Variants in IFI27L1 observed in about 807,000 individuals in gnomAD.
IFI27L1 encodes interferon alpha inducible protein 27 like 1, also known as interferon alpha-inducible protein 27-like protein 1.
A neutral mutation model predicts 9.2 loss-of-function variants in IFI27L1; 3 were observed. The ratio of observed to expected loss-of-function variants is 0.32; its 90% CI spans 0.15 to 0.84. IFI27L1 has a LOEUF of 0.84. Ranked by LOEUF, IFI27L1 falls within the 40% of genes least tolerant of loss-of-function variation. The pLI, the probability that IFI27L1 is intolerant of heterozygous loss-of-function variation, is 0.56. For missense variants in IFI27L1, 133 were observed against 134.2 expected (o/e 0.99, Z 0.05); for synonymous variants, 53 against 50.0 (o/e 1.06, Z -0.26).
intron 1 of IFI27L1, among the ~76,000 whole-genome samples, chr14:94,094,337 C>G (rs781131377): frequency 6.6e-6 from 1 of 152,048 alleles, no homozygotes; most frequent in Non-Finnish European, 1.5e-5. Flanking sequence ...TCTCTAAAGG[C>G]GGAAACTTGA....
chr14:94,100,665 G>A lies in IFI27L1; in HGVS notation c.29-74G>A. The A allele has an allele frequency of 3.1e-6, 5 of 1,601,734 alleles. 1 individual carries two copies. The South Asian group carries it at 4.4e-5, about 14-fold the overall frequency. ...ATAGCAAAGTTGAATTTGAGATGGG[G>A]GTATCAGAGAGTACCCACTCCCATA... On this transcript the variant is annotated intron_variant, in intron 2 of 4. Coordinates refer to ENST00000555523, the MANE Select transcript of IFI27L1 (RefSeq NM_206949.3).
chr14:94,102,489 T>C lies in IFI27L1; in HGVS notation c.236T>C (p.Leu79Pro). ...AILQSVGAAG[L>P]SVTSKVIGGF... ...TCTTCTCCCCCAGGGGCAGCTGGAC[T>C]CTCTGTGACATCTAAAGTTATCGGG... Residue 79 changes from leucine to proline, a missense_variant, in exon 5 of 5, where the codon CTC becomes CCC. Transcript: ENST00000555523. The C allele has an allele frequency of 6.3e-7, 1 of 1,589,722 alleles. No individual in the cohort carries two copies. Among genetic ancestry groups the C allele is most frequent in the Non-Finnish European group, 8.6e-7 (1 of 1,168,042 alleles).
intron 1 of IFI27L1, among the ~76,000 whole-genome samples, chr14:94,082,619 T>C (rs776479951): frequency 2.0e-5 from 3 of 152,260 alleles, no homozygotes; most frequent in Non-Finnish European, 4.4e-5. Context: ...CATTCTATTA[T>C]AAAAATCTTA....
At chr14:94,087,585 C>T (rs1444255714) in intron 1 of IFI27L1, among the ~76,000 whole-genome samples, 1 of 152,164 alleles carries the variant, frequency 6.6e-6, no homozygotes, top group Non-Finnish European at 1.5e-5. Context: ...CGCCACCACA[C>T]CCAGCTAATT....
chr14:94,089,451 G>A (rs533218815), intron 1 of IFI27L1, among the ~76,000 whole-genome samples: 4 of 152,160 alleles, frequency 2.6e-5, no homozygotes, highest in Non-Finnish European at 2.9e-5. Flanking sequence ...GGAGTGTCTT[G>A]TAGCATGCTA....
At chr14:94,086,685 A>G (rs1443597000) in intron 1 of IFI27L1, among the ~76,000 whole-genome samples, 1 of 152,184 alleles carries the variant, frequency 6.6e-6, no homozygotes, top group Non-Finnish European at 1.5e-5. Context: ...CAACAGCCCT[A>G]ATCAATTACT....
intron 1 of IFI27L1, chr14:94,089,114 G>A (rs988288736): frequency 2.6e-5 from 4 of 152,076 alleles, no homozygotes; most frequent in African/African-American, 9.7e-5. Flanking sequence ...AGCTGTTACT[G>A]GATAGAGGTC....
chr14:94,085,192 A>C (rs1567066077), intron 1 of IFI27L1, among the ~76,000 whole-genome samples: 1 of 152,212 alleles, frequency 6.6e-6, no homozygotes. Flanking sequence ...AAGTTGGAAC[A>C]GTTGAGCTCA....
chr14:94,090,940 ATACTT>A (rs1395591675), intron 1 of IFI27L1, among the ~76,000 whole-genome samples: 1 of 152,260 alleles, frequency 6.6e-6, no homozygotes, highest in Admixed American at 6.5e-5. Flanking sequence ...TCACAGTAGT[ATACTT>A]TACTCAATTA....
chr14:94,092,178 T>G (rs1391828670), intron 1 of IFI27L1, among the ~76,000 whole-genome samples: 1 of 151,518 alleles, frequency 6.6e-6, no homozygotes, highest in Non-Finnish European at 1.5e-5. Context: ...AAGCCAGATT[T>G]CACCCTTTGC....
rs1233855996 is a variant in IFI27L1, at chr14:94,100,927, G to GGAAGC, written c.61+157_61+161dup. On this transcript the variant is annotated intron_variant, in intron 3 of 4. Transcript: ENST00000555523. Reference sequence around the variant, plus strand: ...GAGTGATGGGGACCTTAGAGCAGCAGGAAGCAAAGCAAAGCCATTAAAGGC... The same window carrying GGAAGC: ...GAGTGATGGGGACCTTAGAGCAGCAGGAAGCGAAGCAAAGCAAAGCCATTAAAGGC... 4.9e-6 allele frequency: 4 copies of GGAAGC among 815,728 alleles called. No individual in the cohort carries two copies. The African/African-American group carries it at 6.7e-5, about 14-fold the overall frequency. The allele number at this position is 815,728 out of a possible 1,614,324, so 50.5% of individuals were successfully genotyped here.
In IFI27L1 at chr14:94,085,678, A is replaced by G. The variant is rs567530535; in HGVS notation, c.-52+4229A>G. Among the ~76,000 whole-genome samples, 8 of 152,294 alleles carry G rather than the reference A, an allele frequency of 5.3e-5. No individual in the cohort carries two copies. The East Asian group carries it at 1.5e-3, about 29-fold the overall frequency. ...TATTATATGGAGGTATAATTAGTGTACAATAAAATGCAGAGTGCAGCTTTT... is the reference window on the plus strand; with the variant it reads ...TATTATATGGAGGTATAATTAGTGTGCAATAAAATGCAGAGTGCAGCTTTT... On this transcript the variant is annotated intron_variant, in intron 1 of 4. Coordinates refer to ENST00000555523, the MANE Select transcript of IFI27L1 (RefSeq NM_206949.3).
At chr14:94,090,328 A>G (rs1316792760) in intron 1 of IFI27L1, among the ~76,000 whole-genome samples, 1 of 152,260 alleles carries the variant, frequency 6.6e-6, no homozygotes, top group Non-Finnish European at 1.5e-5. Context: ...GGTGTACCAC[A>G]GTTTTTGAAA....
chr14:94,092,100 TG>T (rs1163008419), intron 1 of IFI27L1, among the ~76,000 whole-genome samples: 6 of 150,078 alleles, frequency 4.0e-5, no homozygotes, highest in Non-Finnish European at 8.9e-5. Context: ...CACTCTAGCC[TG>T]GGTGACAGAG....
At chr14:94,088,507 T>TTA (rs1488232454) in intron 1 of IFI27L1, among the ~76,000 whole-genome samples, 8 of 151,196 alleles carry the variant, frequency 5.3e-5, no homozygotes, top group African/African-American at 1.9e-4. Flanking sequence ...ATCTTTTTTT[T>TTA]TTTTTTTTTG....
rs762500563 is a variant in IFI27L1, at chr14:94,101,790, AC to A, written c.62-20del. On this transcript the variant is annotated intron_variant, in intron 3 of 4. Coordinates refer to ENST00000555523, the MANE Select transcript of IFI27L1 (RefSeq NM_206949.3). ...TGGGGGACTCCGTCCCATGGGGCCA[AC>A]CCCAAATCTCCACTTCCCGCAGTTG... The A allele has an allele frequency of 1.4e-5, 23 of 1,613,640 alleles. No individual in the cohort carries two copies. The South Asian group carries it at 2.2e-4, about 15-fold the overall frequency.
Position 94,096,876 on chromosome 14 carries a change from T to A in IFI27L1, c.-51-11T>A, listed in dbSNP as rs1187246998. On this transcript the variant is annotated splice_polypyrimidine_tract_variant and intron_variant, in intron 1 of 4. Coordinates refer to ENST00000555523, the MANE Select transcript of IFI27L1 (RefSeq NM_206949.3). ...ACCAGATCCTGAATAAAGTCAAAAC[T>A]CAACCAACAGGTGGAAGTCCAAGAA... 6.5e-7 allele frequency: 1 copy of A among 1,539,200 alleles called. No individual in the cohort carries two copies. Among genetic ancestry groups the A allele is most frequent in the Non-Finnish European group, 9.0e-7 (1 of 1,114,056 alleles).
chr14:94,094,625 C>G (rs1337655144), intron 1 of IFI27L1: 3 of 152,168 alleles, frequency 2.0e-5, no homozygotes, highest in Non-Finnish European at 4.4e-5. Context: ...CCACCCCTTT[C>G]CCAGAAAACT....
intron 1 of IFI27L1, among the ~76,000 whole-genome samples, chr14:94,085,193 G>A (rs1886242426): frequency 6.6e-6 from 1 of 152,202 alleles, no homozygotes. Context: ...AGTTGGAACA[G>A]TTGAGCTCAT....
Sources: allele counts gnomAD v4.1 joint callset (sites outside exome capture counted in the v4.1 genomes callset), GRCh38; gene constraint gnomAD v4.1.1; transcripts MANE v1.5; gene names NCBI Gene and HGNC (gene_info 2026-07-23, HGNC 2026-07-21).